Variants in EVC2 observed in about 807,000 individuals in gnomAD.
The protein encoded by EVC2 is EvC ciliary complex subunit 2, also known as limbin.
EVC2 carries 148 observed loss-of-function variants against 149.3 expected under a neutral mutation model. The observed-to-expected ratio is 0.99, with a 90% CI of 0.87 to 1.14. The LOEUF (loss-of-function observed/expected upper bound fraction) is 1.14. Among genes scored for constraint, EVC2 ranks in the 50% most tolerant of loss-of-function variants. EVC2 has a pLI of 0.00. For synonymous variants in EVC2, 776 were observed against 649.9 expected (o/e 1.19, Z -2.95); for missense variants, 1,854 against 1,627.3 (o/e 1.14, Z -2.40).
intron 16 of EVC2, among the ~76,000 whole-genome samples, chr4:5,606,161 T>C (rs1040241880): frequency 6.6e-6 from 1 of 152,218 alleles, no homozygotes; most frequent in Non-Finnish European, 1.5e-5. Context: ...CTTCAAAACA[T>C]CTGAGCTGCT....
chr4:5,578,373 A>G (rs1723058746), intron 17 of EVC2, among the ~76,000 whole-genome samples: 1 of 152,220 alleles, frequency 6.6e-6, no homozygotes, highest in Non-Finnish European at 1.5e-5. Context: ...TCAGCAGATT[A>G]TAAAAGTTAC....
rs1039331461 is a variant in EVC2 at position 5,657,610 on chromosome 4, T to C, written c.1145+5497A>G. ...ACTTTCCACCAAGAACACCATTGTG[T>C]AGAGGCACCTACTGTGCCAGGCACT... is the stretch of plus-strand genomic sequence containing the variant. On this transcript the variant is annotated intron_variant, in intron 9 of 21. Transcript: ENST00000344408. This position sits in a 1 kb window ranked among gnomAD's most constrained non-coding sequence, Gnocchi z 4.7. Among the ~76,000 whole-genome samples the C allele has an allele frequency of 6.6e-6, 1 of 151,638 alleles. No homozygotes were observed. The highest frequency in any genetic ancestry group is 1.5e-5 in the Non-Finnish European group (1 of 67,946).
chr4:5,636,798 T>C lies in EVC2; in HGVS notation c.1470+3716A>G, dbSNP rs1477897050. On this transcript the variant is annotated intron_variant, in intron 10 of 21. Transcript: ENST00000344408. This position sits in a 1 kb window ranked among gnomAD's most constrained non-coding sequence, Gnocchi z 4.6. The stretch of plus-strand genomic sequence containing the variant: ...AACTAATTCTTGGTGGAATAATACA[T>C]CCAAAATATTTTTATGTATTTTATT... Among the ~76,000 whole-genome samples the C allele has an allele frequency of 6.6e-6, 1 of 152,146 alleles. No homozygotes were observed. The highest frequency in any genetic ancestry group is 1.5e-5 in the Non-Finnish European group (1 of 68,024).
intron 12 of EVC2, 106 bp from the exon 13 acceptor site, chr4:5,626,014 A>G: frequency 7.1e-7 from 1 of 1,399,732 alleles, no homozygotes; most frequent in Non-Finnish European, 1.0e-6. Flanking sequence ...GGTTTGAATC[A>G]GAAAATCTTT....
intron 5 of EVC2, among the ~76,000 whole-genome samples, chr4:5,688,232 C>A (rs983335137): frequency 6.6e-6 from 1 of 152,128 alleles, no homozygotes; most frequent in Non-Finnish European, 1.5e-5. Flanking sequence ...GATTCTGAGG[C>A]CTTATCTAGG....
intron 10 of EVC2, among the ~76,000 whole-genome samples, chr4:5,639,798 A>G (rs1717182474): frequency 6.6e-6 from 1 of 152,194 alleles, no homozygotes; most frequent in Non-Finnish European, 1.5e-5. Context: ...TTTCTTCTCT[A>G]CCCATGAATT....
At chr4:5,607,901 C>G (rs1714519724) in intron 16 of EVC2, among the ~76,000 whole-genome samples, 2 of 151,560 alleles carry the variant, frequency 1.3e-5, no homozygotes, top group Admixed American at 6.6e-5. Flanking sequence ...TGGGGGAGAA[C>G]AGAGAAGGGC....
At chr4:5,698,676 T>C (rs1336611739) in intron 1 of EVC2, among the ~76,000 whole-genome samples, 5 of 152,238 alleles carry the variant, frequency 3.3e-5, no homozygotes, top group African/African-American at 1.2e-4. Flanking sequence ...AAGTAGTCCC[T>C]ATAGAAATGC....
intron 19 of EVC2, among the ~76,000 whole-genome samples, 196 bp downstream of exon 19, chr4:5,574,489 C>T (rs1244883161): frequency 6.6e-6 from 1 of 152,220 alleles, no homozygotes; most frequent in Non-Finnish European, 1.5e-5. Context: ...ATTATGGTTG[C>T]GGTTGCTGCC....
At chr4:5,604,103 C>G (rs1382637491) in intron 16 of EVC2, among the ~76,000 whole-genome samples, 1 of 152,156 alleles carries the variant, frequency 6.6e-6, no homozygotes, top group East Asian at 1.9e-4. Flanking sequence ...AATAGTTGCT[C>G]TGCCTGCTTC....
At chr4:5,697,717 GTAAA>G in intron 1 of EVC2, 70 bp from the exon 2 acceptor site, 1 of 1,374,178 alleles carries the variant, frequency 7.3e-7, no homozygotes, top group Admixed American at 1.7e-5. Flanking sequence ...AATAATCTTT[GTAAA>G]TGACTCACAT....
At chr4:5,602,856 G>C (rs1049706039) in intron 16 of EVC2, among the ~76,000 whole-genome samples, 6 of 152,164 alleles carry the variant, frequency 3.9e-5, no homozygotes, top group African/African-American at 1.4e-4. Context: ...CAGAAATCAA[G>C]AAGTAGCAAA....
chr4:5,574,601 AG>A, intron 19 of EVC2, 83 bp downstream of exon 19: 1 of 1,352,440 alleles, frequency 7.4e-7, no homozygotes. Context: ...ACCATCCTGG[AG>A]GTGAGGAAAT....
rs954346110 is a variant in EVC2 at position 5,576,669 on chromosome 4, T to C, written c.3058-215A>G. The stretch of plus-strand genomic sequence containing the variant: ...CTCCACATAGGCCGTTCCCTCCACC[T>C]GCAGTGCCTTTCTCTGTCTGCCTGA... On this transcript the variant is annotated intron_variant, in intron 17 of 21. Transcript: ENST00000344408. This position sits in a 1 kb window ranked among gnomAD's most constrained non-coding sequence, Gnocchi z 4.5. Among the ~76,000 whole-genome samples the C allele has an allele frequency of 3.9e-5, 6 of 152,178 alleles. No homozygotes were observed. Among genetic ancestry groups the C allele is most frequent in the Admixed American group, 1.3e-4 (2 of 15,278 alleles).
intron 20 of EVC2, 42 bp from the exon 21 acceptor site, chr4:5,565,401 T>C (rs1418277566): frequency 1.3e-6 from 2 of 1,584,984 alleles, no homozygotes; most frequent in East Asian, 4.5e-5. Flanking sequence ...AAAATACGCC[T>C]GTAATCCCAC....
chr4:5,540,372 T>C (rs764639972), downstream of EVC2, among the ~76,000 whole-genome samples: 23 of 152,212 alleles, frequency 1.5e-4, no homozygotes, highest in Non-Finnish European at 2.6e-4. Flanking sequence ...CACAAATACA[T>C]ACACAAACGT....
chr4:5,683,541 G>A (rs1374159570), intron 6 of EVC2, among the ~76,000 whole-genome samples: 1 of 152,164 alleles, frequency 6.6e-6, no homozygotes, highest in African/African-American at 2.4e-5. Context: ...AGACACAGTT[G>A]TGAATAGGAC....
chr4:5,549,859 A>T (rs1218448600), intron 21 of EVC2, among the ~76,000 whole-genome samples: 1 of 152,182 alleles, frequency 6.6e-6, no homozygotes, highest in African/African-American at 2.4e-5. Context: ...GAGGTAATTG[A>T]ATCATGGGGG....
At chr4:5,548,879 T>C (rs527369000) in intron 21 of EVC2, among the ~76,000 whole-genome samples, 2 of 152,302 alleles carry the variant, frequency 1.3e-5, no homozygotes, top group African/African-American at 4.8e-5. Context: ...AGTGCTAACA[T>C]TTGCTCTACT....
Sources: gnomAD v4.1 joint callset for allele counts (sites outside exome capture counted in the v4.1 genomes callset) on GRCh38, gnomAD v4.1.1 for gene constraint, Gnocchi (gnomAD v3.1) non-coding constraint, MANE v1.5 for transcripts, NCBI Gene and HGNC (gene_info 2026-07-23, HGNC 2026-07-21) for gene names.